Variants in SDK1 observed in about 807,000 individuals in gnomAD.
SDK1 encodes the protein sidekick cell adhesion molecule 1.
Under a neutral mutation model 245.5 loss-of-function variants are expected in SDK1, and 157 were observed. The ratio of observed to expected loss-of-function variants is 0.64; its 90% CI spans 0.56 to 0.73. SDK1 has a LOEUF of 0.73. Ranked by LOEUF, SDK1 falls within the 30% of genes least tolerant of loss-of-function variation. The pLI is 0.00. For missense variants in SDK1, 3,583 were observed against 3,002.3 expected, an observed-to-expected ratio of 1.19 and a Z score of -4.52; for synonymous variants, 1,647 against 1,278.5, an observed-to-expected ratio of 1.29 and a Z score of -6.15.
At chr7:3,578,634 C>T (rs573572334) in intron 1 of SDK1, among the ~76,000 whole-genome samples, 2 of 151,926 alleles carry the variant, frequency 1.3e-5, no homozygotes, top group African/African-American at 2.4e-5. Context: ...CCCAGGAATG[C>T]AATTCTTATC....
intron 1 of SDK1, among the ~76,000 whole-genome samples, chr7:3,432,939 CT>C (rs796089815): frequency 2.6e-5 from 4 of 152,306 alleles, no homozygotes; most frequent in African/African-American, 9.6e-5. Context: ...TTATTACTAA[CT>C]TGTAAATATT....
At chr7:3,310,220 A>G (rs1225141075) in intron 1 of SDK1, among the ~76,000 whole-genome samples, 1 of 152,224 alleles carries the variant, frequency 6.6e-6, no homozygotes. Flanking sequence ...CAGACCCTCA[A>G]AGATAGACTT....
intron 1 of SDK1, among the ~76,000 whole-genome samples, chr7:3,486,947 A>G (rs1422329392): frequency 6.6e-6 from 1 of 152,136 alleles, no homozygotes; most frequent in Non-Finnish European, 1.5e-5. Flanking sequence ...TAAAGGTTAT[A>G]TTTGCTTTGC....
chr7:3,695,043 A>G (rs1030494631), intron 4 of SDK1, among the ~76,000 whole-genome samples: 5 of 152,196 alleles, frequency 3.3e-5, no homozygotes, highest in African/African-American at 1.2e-4. Context: ...ATTGGGAAAC[A>G]TATTAGAGAC....
chr7:3,344,392 A>T (rs1308226069), intron 1 of SDK1, among the ~76,000 whole-genome samples: 8 of 151,894 alleles, frequency 5.3e-5, no homozygotes, highest in African/African-American at 1.7e-4. Flanking sequence ...TCAGGATCCA[A>T]TTTTTTTTCT....
At position 3,571,122 on chromosome 7, in the gene SDK1, T is replaced by C. The variant is rs547095674; in HGVS notation, c.299-47958T>C. 2.8e-4 allele frequency among the ~76,000 whole-genome samples: 42 copies of C among 152,146 alleles called. 1 individual carries two copies. Among genetic ancestry groups the C allele is most frequent in the African/African-American group, 9.4e-4 (39 of 41,542 alleles). ...TTAGTTATGTTAACCAAGTCTGCGT[T>C]ACTTAATTTAATTTGGAGTCGACTT... is the stretch of plus-strand genomic sequence containing the variant. On this transcript the variant is annotated intron_variant, in intron 1 of 44. Coordinates refer to ENST00000404826, the MANE Select transcript of SDK1 (RefSeq NM_152744.4).
chr7:3,446,225 G>A (rs1413047964), intron 1 of SDK1, among the ~76,000 whole-genome samples: 2 of 152,022 alleles, frequency 1.3e-5, no homozygotes, highest in African/African-American at 4.8e-5. Flanking sequence ...TGCTTGGCAT[G>A]GTGTATGCTG....
chr7:3,669,935 C>G (rs1285406862), intron 4 of SDK1, among the ~76,000 whole-genome samples: 1 of 152,196 alleles, frequency 6.6e-6, no homozygotes, highest in African/African-American at 2.4e-5. Flanking sequence ...CACTGCCATC[C>G]AACAGTTGCC....
At chr7:4,209,310 C>T (rs561042627) in intron 37 of SDK1, among the ~76,000 whole-genome samples, 1 of 152,312 alleles carries the variant, frequency 6.6e-6, no homozygotes, top group African/African-American at 2.4e-5. Flanking sequence ...TGCCACTTCA[C>T]AGGCACTTCT....
At chr7:3,957,987 C>T (rs996941806) in intron 7 of SDK1, 2 of 470,924 alleles carry the variant, frequency 4.2e-6, no homozygotes, top group Admixed American at 4.7e-5. Context: ...CCGCTTCCCC[C>T]TTAATCGTTT....
chr7:4,134,376 C>T (rs949234768), intron 28 of SDK1, among the ~76,000 whole-genome samples: 4 of 152,198 alleles, frequency 2.6e-5, no homozygotes, highest in Non-Finnish European at 5.9e-5. Context: ...CTATGAGCCA[C>T]ATCTGGTGCC....
chr7:3,522,105 A>G (rs1782958019), intron 1 of SDK1, among the ~76,000 whole-genome samples: 3 of 151,538 alleles, frequency 2.0e-5, no homozygotes, highest in Non-Finnish European at 4.4e-5. Flanking sequence ...TGACTACTTC[A>G]TTAACTCCTT....
At position 3,465,621 on chromosome 7, in the gene SDK1, G is replaced by A. The variant is rs181772275; in HGVS notation, c.299-153459G>A. 9.5e-4 allele frequency among the ~76,000 whole-genome samples: 144 copies of A among 152,224 alleles called. No individual in the cohort carries two copies. The Middle Eastern group carries it at 0.014, about 14-fold the overall frequency. On this transcript the variant is annotated intron_variant, in intron 1 of 44. Transcript: ENST00000404826. Reference sequence around the variant, plus strand: ...AGTCCCCTGTGTGCTGTGAACACACGCATCCTGATTCACCACTTTACTGAG... The same window carrying A: ...AGTCCCCTGTGTGCTGTGAACACACACATCCTGATTCACCACTTTACTGAG...
chr7:3,481,020 A>T (rs1264887684), intron 1 of SDK1, among the ~76,000 whole-genome samples: 1 of 152,168 alleles, frequency 6.6e-6, no homozygotes, highest in Non-Finnish European at 1.5e-5. Flanking sequence ...TTTTTTACCT[A>T]TTCTGACAAT....
chr7:3,783,990 G>A (rs761183332), intron 4 of SDK1, among the ~76,000 whole-genome samples: 3 of 151,898 alleles, frequency 2.0e-5, no homozygotes, highest in African/African-American at 4.8e-5. Context: ...CATGGGACTG[G>A]CTGAAACAGA....
intron 42 of SDK1, among the ~76,000 whole-genome samples, chr7:4,240,572 G>T (rs182369134): frequency 6.6e-6 from 1 of 152,148 alleles, no homozygotes; most frequent in African/African-American, 2.4e-5. Flanking sequence ...TCAAAGGGGG[G>T]CCAGGTCCCA....
chr7:3,734,710 G>T (rs562132531), intron 4 of SDK1, among the ~76,000 whole-genome samples: 1 of 152,320 alleles, frequency 6.6e-6, no homozygotes, highest in African/African-American at 2.4e-5. Context: ...TGATGTATGG[G>T]ACATCTGTAA....
At chr7:3,401,473 C>T (rs1562464653) in intron 1 of SDK1, among the ~76,000 whole-genome samples, 1 of 152,088 alleles carries the variant, frequency 6.6e-6, no homozygotes, top group African/African-American at 2.4e-5. Context: ...TGGTACTTGC[C>T]AAACTATTCC....
At chr7:4,133,627 A>C (rs951044424) in intron 28 of SDK1, among the ~76,000 whole-genome samples, 1 of 152,192 alleles carries the variant, frequency 6.6e-6, no homozygotes, top group Non-Finnish European at 1.5e-5. Context: ...GAATGCTTTC[A>C]GCCTTTGGGA....
Sources: allele counts gnomAD v4.1 joint callset (sites outside exome capture counted in the v4.1 genomes callset), GRCh38; gene constraint gnomAD v4.1.1; transcripts MANE v1.5; gene names NCBI Gene and HGNC (gene_info 2026-07-23, HGNC 2026-07-21).